Variants in TEX10 observed in about 807,000 individuals in gnomAD.
TEX10 encodes the protein testis-expressed protein 10.
In TEX10, 24 loss-of-function variants were observed where a neutral mutation model predicts 104.4. The ratio of observed to expected loss-of-function variants is 0.23; its 90% CI spans 0.17 to 0.32. The LOEUF (loss-of-function observed/expected upper bound fraction) is 0.32. TEX10 is among the 10% of genes least tolerant of loss of function. The pLI, the probability that TEX10 is intolerant of heterozygous loss-of-function variation, is 1.00. For synonymous variants in TEX10, 396 were observed against 393.4 expected (o/e 1.01, Z -0.08); for missense variants, 921 against 1,083.9 (o/e 0.85, Z 2.11).
intron 11 of TEX10, 123 bp from the exon 12 acceptor site, chr9:100,310,502 A>C: frequency 1.2e-6 from 1 of 861,752 alleles, no homozygotes; most frequent in Non-Finnish European, 1.8e-6. Context: ...GCAGTGATGC[A>C]GTCTCAGCTC....
In TEX10 at chr9:100,346,953, C is replaced by T; in HGVS notation, c.634G>A (p.Val212Ile). The T allele has an allele frequency of 1.2e-6, 2 of 1,614,192 alleles. No homozygotes were observed. The highest frequency in any genetic ancestry group is 2.2e-5 in the East Asian group (1 of 44,880). ...RDRSQSWILS[V>I]NPNRRLTSQQ... The stretch of plus-strand genomic sequence containing the variant: ...GAAGTGAGTCTCCGATTAGGATTTA[C>T]AGAAAGTATCCAGGACTGGGATCTG... Residue 212 changes from valine to isoleucine, a missense_variant, in exon 3 of 15, where the codon GTA becomes ATA. This residue lies in a region of TEX10 where 753 missense variants were observed against 868.4 expected (regional missense o/e 0.87). Transcript: ENST00000374902.
intron 13 of TEX10, 104 bp downstream of exon 13, chr9:100,308,396 A>T: frequency 1.1e-6 from 1 of 892,006 alleles, no homozygotes; most frequent in Non-Finnish European, 1.6e-6. Flanking sequence ...AACAGAATTT[A>T]AGGTATCTGT....
intron 13 of TEX10, chr9:100,306,956 A>G (rs914188004): frequency 1.3e-5 from 2 of 152,172 alleles, no homozygotes; most frequent in African/African-American, 4.8e-5. Context: ...ATACACACAC[A>G]TTTCATTAAG....
At chr9:100,325,965 C>G (rs1834696267) in intron 9 of TEX10, among the ~76,000 whole-genome samples, 1 of 152,158 alleles carries the variant, frequency 6.6e-6, no homozygotes, top group Non-Finnish European at 1.5e-5. Flanking sequence ...ACATTAAATT[C>G]TGAGCTCTCT....
intron 11 of TEX10, among the ~76,000 whole-genome samples, chr9:100,316,692 C>G (rs560851341): frequency 6.6e-6 from 1 of 152,178 alleles, no homozygotes; most frequent in South Asian, 2.1e-4. Flanking sequence ...TCCTCAAACT[C>G]CTGGGTTCCA....
intron 9 of TEX10, among the ~76,000 whole-genome samples, chr9:100,323,095 C>T (rs1227917357): frequency 6.6e-6 from 1 of 152,138 alleles, no homozygotes; most frequent in Admixed American, 6.5e-5. Context: ...AAACTATTAT[C>T]TTCTTGACCT....
intron 3 of TEX10, 137 bp from the exon 4 acceptor site, chr9:100,346,452 A>T: frequency 8.8e-7 from 1 of 1,139,744 alleles, no homozygotes; most frequent in Non-Finnish European, 1.2e-6. Context: ...AACTAGTAAG[A>T]AAAATGAAAT....
chr9:100,343,076 G>T (rs1030084010), intron 4 of TEX10, among the ~76,000 whole-genome samples: 2 of 151,532 alleles, frequency 1.3e-5, no homozygotes, highest in Non-Finnish European at 2.9e-5. Context: ...GTGAACTCGG[G>T]AGGTGAGCCA....
intron 2 of TEX10, 32 bp downstream of exon 2, chr9:100,349,152 C>T (rs771038910): frequency 5.1e-5 from 76 of 1,494,766 alleles, no homozygotes; most frequent in Non-Finnish European, 6.1e-5. Context: ...CAAAGAAAAT[C>T]TTATTTTGTC....
intron 9 of TEX10, among the ~76,000 whole-genome samples, chr9:100,325,231 C>A (rs1834675765): frequency 6.6e-6 from 1 of 152,146 alleles, no homozygotes; most frequent in Non-Finnish European, 1.5e-5. Context: ...GCCTAGATTT[C>A]TATTTCTGCC....
intron 1 of TEX10, among the ~76,000 whole-genome samples, chr9:100,352,101 CCA>C (rs1835467944): frequency 6.6e-6 from 1 of 152,188 alleles, no homozygotes; most frequent in African/African-American, 2.4e-5. Context: ...AGTTTGCCTG[CCA>C]CCTTCTTACC....
In TEX10 at chr9:100,332,603, C is replaced by T. The variant is rs562437571; in HGVS notation, c.1251-2434G>A. ...CTGGGAGGCCGAGGTGGGCGGATCA[C>T]GAGGTCAGGAGATCGAGACCATCAT... On this transcript the variant is annotated intron_variant, in intron 5 of 14. Coordinates refer to ENST00000374902, the MANE Select transcript of TEX10 (RefSeq NM_017746.4). Among the ~76,000 whole-genome samples, 237 of 152,240 alleles carry T rather than the reference C, an allele frequency of 1.6e-3. 4 individuals carry two copies. The South Asian group carries it at 0.032, about 20-fold the overall frequency.
At chr9:100,316,907 A>AAC (rs1336871548) in intron 11 of TEX10, among the ~76,000 whole-genome samples, 3 of 149,546 alleles carry the variant, frequency 2.0e-5, no homozygotes, top group East Asian at 1.9e-4. Flanking sequence ...AAAAAAAAAA[A>AAC]AAAAAAAAAC....
intron 9 of TEX10, among the ~76,000 whole-genome samples, chr9:100,323,793 G>C (rs1588173360): frequency 6.6e-6 from 1 of 152,126 alleles, no homozygotes; most frequent in East Asian, 1.9e-4. Flanking sequence ...AGCTAAACTT[G>C]ATCTCACAGA....
At position 100,308,563 on chromosome 9, in the gene TEX10, C is replaced by T; in HGVS notation, c.2402G>A (p.Cys801Tyr). Residue 801 changes from cysteine (C) to tyrosine (Y), a missense_variant, in exon 13 of 15, where the codon TGC becomes TAC. Physicochemically the swap from Cys to Tyr is radical, Grantham distance 194. Coordinates refer to ENST00000374902, the MANE Select transcript of TEX10 (RefSeq NM_017746.4). ...ETLLPFLASC[C>Y]YSLLYFLLTI... is the part of the protein sequence containing the mutation. ...GAGCAGAAAATAAAGAAGACTGTAG[C>T]AACAAGAAGCCAGAAATGGCAGTAG... 1 of 1,612,638 alleles carries T rather than the reference C, an allele frequency of 6.2e-7. No homozygotes were observed. The highest frequency in any genetic ancestry group is 8.5e-7 in the Non-Finnish European group (1 of 1,179,200).
At chr9:100,336,421 G>A (rs1272508126) in intron 5 of TEX10, among the ~76,000 whole-genome samples, 3 of 152,080 alleles carry the variant, frequency 2.0e-5, no homozygotes, top group African/African-American at 7.2e-5. Flanking sequence ...TATCAGTAGT[G>A]GCATTCGATT....
chr9:100,333,005 TTTTG>T (rs1364827958), intron 5 of TEX10, among the ~76,000 whole-genome samples: 3 of 151,894 alleles, frequency 2.0e-5, no homozygotes, highest in African/African-American at 2.4e-5. Context: ...CCTACCTGTT[TTTTG>T]TTTTTTTGTT....
intron 4 of TEX10, among the ~76,000 whole-genome samples, chr9:100,344,259 G>A (rs1835246094): frequency 6.6e-6 from 1 of 152,114 alleles, no homozygotes; most frequent in South Asian, 2.1e-4. Flanking sequence ...ACCATTATAT[G>A]TTAATGAGCT....
In TEX10 at chr9:100,330,032, A is replaced by G; in HGVS notation, c.1388T>C (p.Phe463Ser). 6.2e-7 allele frequency: 1 copy of G among 1,614,120 alleles called. No individual in the cohort carries two copies. The highest frequency in any genetic ancestry group is 8.5e-7 in the Non-Finnish European group (1 of 1,180,014). ...GCCATCTTCAAGGGTCTCTGTTACA[A>G]ATTTCCTTATCATTTCTATCCAACT... Reference protein sequence around the residue: ...DCSWIEMIRKFVTETLEDGSR... With the variant: ...DCSWIEMIRKSVTETLEDGSR... Residue 463 changes from phenylalanine to serine, a missense_variant, in exon 6 of 15, where the codon TTT becomes TCT. By Grantham distance (155) the Phe-to-Ser change is radical (BLOSUM62 -2). Around this residue, in one of 3 missense-constraint regions of TEX10, gnomAD observed 753 missense variants for 868.4 expected, o/e 0.87. Coordinates refer to ENST00000374902, the MANE Select transcript of TEX10 (RefSeq NM_017746.4).
Sources: allele counts gnomAD v4.1 joint callset (sites outside exome capture counted in the v4.1 genomes callset), GRCh38; gene constraint gnomAD v4.1.1; regional missense constraint gnomAD v4.1.1; transcripts MANE v1.5; gene names NCBI Gene and HGNC (gene_info 2026-07-23, HGNC 2026-07-21).